Variants in CRACD observed in about 807,000 individuals in gnomAD.
CRACD encodes capping protein inhibiting regulator of actin dynamics.
A neutral mutation model predicts 106.8 loss-of-function variants in CRACD; 56 were observed. That is an observed-to-expected ratio of 0.52 (90% CI 0.42 to 0.66). CRACD has a LOEUF of 0.66. Ranked by LOEUF, CRACD falls within the 30% of genes least tolerant of loss-of-function variation. CRACD has a pLI of 0.00. For synonymous variants in CRACD, 754 were observed against 670.8 expected (o/e 1.12, Z -1.92); for missense variants, 1,730 against 1,623.2 (o/e 1.07, Z -1.13).
At chr4:56,273,531 C>G (rs1490569391) in intron 3 of CRACD, among the ~76,000 whole-genome samples, 2 of 152,064 alleles carry the variant, frequency 1.3e-5, no homozygotes, top group African/African-American at 2.4e-5. Flanking sequence ...ACTTTCTTAC[C>G]TGAGTGCTTG....
At chr4:56,194,561 G>T (rs1232968862) in intron 2 of CRACD, among the ~76,000 whole-genome samples, 2 of 152,194 alleles carry the variant, frequency 1.3e-5, no homozygotes, top group Non-Finnish European at 2.9e-5. Context: ...ACAGCCTTTG[G>T]GGGGTGATTA....
At chr4:56,107,820 G>C (rs990848078) in intron 1 of CRACD, among the ~76,000 whole-genome samples, 4 of 152,172 alleles carry the variant, frequency 2.6e-5, no homozygotes, top group African/African-American at 4.8e-5. Flanking sequence ...ACACATTTGT[G>C]TATCAATCCC....
intron 2 of CRACD, among the ~76,000 whole-genome samples, chr4:56,251,423 G>C (rs1388546289): frequency 6.6e-6 from 1 of 152,178 alleles, no homozygotes; most frequent in Non-Finnish European, 1.5e-5. Context: ...AGACGTGTCT[G>C]GTGTGTGCAG....
At chr4:56,143,962 C>A (rs115273134) in intron 1 of CRACD, among the ~76,000 whole-genome samples, 1 of 151,886 alleles carries the variant, frequency 6.6e-6, no homozygotes, top group South Asian at 2.1e-4. Flanking sequence ...AAATATATGG[C>A]GTGTGGGAAA....
At chr4:56,143,690 G>A (rs1052307506) in intron 1 of CRACD, among the ~76,000 whole-genome samples, 2 of 152,038 alleles carry the variant, frequency 1.3e-5, no homozygotes, top group Non-Finnish European at 2.9e-5. Flanking sequence ...ATTAGACTGT[G>A]GGTTTTGACT....
At chr4:56,125,999 T>C (rs1734651948) in intron 1 of CRACD, among the ~76,000 whole-genome samples, 1 of 152,006 alleles carries the variant, frequency 6.6e-6, no homozygotes, top group African/African-American at 2.4e-5. Flanking sequence ...CTCGAACTCC[T>C]GAACTCAGGT....
rs557657349 is a variant in CRACD at position 56,265,331 on chromosome 4, A to T, written c.-188-6990A>T. Among the ~76,000 whole-genome samples, 3 of 152,264 alleles carry T rather than the reference A, an allele frequency of 2.0e-5. No homozygotes were observed. The East Asian group carries it at 5.8e-4, about 29-fold the overall frequency. ...CAGAAGTTGAAATAAACATTATTTA[A>T]CCAAAGTAGCCCAAAATGCTTGTCA... On this transcript the variant is annotated intron_variant, in intron 2 of 10. Coordinates refer to ENST00000682029, the MANE Select transcript of CRACD (RefSeq NM_001393381.1).
At chr4:56,073,056 T>A (rs1732718379) in intron 1 of CRACD, among the ~76,000 whole-genome samples, 2 of 152,186 alleles carry the variant, frequency 1.3e-5, no homozygotes, top group Non-Finnish European at 1.5e-5. Flanking sequence ...AATAGTGCTG[T>A]AATAAACATA....
chr4:56,195,487 CAT>C lies in CRACD; in HGVS notation c.-189+16060_-189+16061del, dbSNP rs147326596. 3.5e-4 allele frequency among the ~76,000 whole-genome samples: 54 copies of C among 152,120 alleles called. No individual in the cohort carries two copies. In the East Asian group the frequency reaches 0.01, roughly 28 times the overall value. The stretch of plus-strand genomic sequence containing the variant: ...TATTAAGACAATTTAGGTGATTACT[CAT>C]ATCAAGTAGGAAGGTGGGTCTCAGA... On this transcript the variant is annotated intron_variant, in intron 2 of 10. Coordinates refer to ENST00000682029, the MANE Select transcript of CRACD (RefSeq NM_001393381.1).
intron 3 of CRACD, among the ~76,000 whole-genome samples, chr4:56,280,269 T>C (rs982208776): frequency 6.6e-6 from 1 of 151,796 alleles, no homozygotes; most frequent in African/African-American, 2.4e-5. Context: ...GTTGTGCACA[T>C]GTACCCTAAA....
At position 56,287,045 on chromosome 4, in the gene CRACD, G is replaced by A. The variant is rs1409603207; in HGVS notation, c.-16-11169G>A. Among the ~76,000 whole-genome samples, 4 of 152,124 alleles carry A rather than the reference G, an allele frequency of 2.6e-5. No individual in the cohort carries two copies. The South Asian group carries it at 8.3e-4, about 32-fold the overall frequency. ...TTGACAACTTTAAGCACAGAAACAA[G>A]CCCTTCAAAACGCCCTGTATTTTGA... On this transcript the variant is annotated intron_variant, in intron 3 of 10. Coordinates refer to ENST00000682029, the MANE Select transcript of CRACD (RefSeq NM_001393381.1).
chr4:56,189,682 A>G (rs1481601021), intron 2 of CRACD, among the ~76,000 whole-genome samples: 1 of 150,110 alleles, frequency 6.7e-6, no homozygotes, highest in African/African-American at 2.5e-5. Context: ...GTTTACTGAG[A>G]ATGATGGTTT....
chr4:56,302,129 T>C (rs1744403763), intron 4 of CRACD, among the ~76,000 whole-genome samples: 2 of 152,210 alleles, frequency 1.3e-5, no homozygotes, highest in African/African-American at 4.8e-5. Flanking sequence ...CTAAGGGGCA[T>C]GCACACAAGG....
chr4:56,111,422 C>A (rs937548666), intron 1 of CRACD, among the ~76,000 whole-genome samples: 2 of 152,090 alleles, frequency 1.3e-5, no homozygotes, highest in Non-Finnish European at 2.9e-5. Flanking sequence ...CTACTTGATT[C>A]TTTAAACTGT....
chr4:56,278,338 T>C (rs1240329104), intron 3 of CRACD, among the ~76,000 whole-genome samples: 3 of 152,146 alleles, frequency 2.0e-5, no homozygotes, highest in Non-Finnish European at 2.9e-5. Flanking sequence ...GAATTGAGAG[T>C]TCAGAAATAA....
chr4:56,071,775 T>A (rs923478438), intron 1 of CRACD, among the ~76,000 whole-genome samples: 1 of 151,438 alleles, frequency 6.6e-6, no homozygotes, highest in East Asian at 2.0e-4. Flanking sequence ...CCTCCCAAAG[T>A]ACTGGGATTA....
intron 2 of CRACD, among the ~76,000 whole-genome samples, chr4:56,190,957 A>G: frequency 6.6e-6 from 1 of 152,140 alleles, no homozygotes; most frequent in Non-Finnish European, 1.5e-5. Flanking sequence ...CTCCTACCAG[A>G]TCTCTCACTA....
chr4:56,115,063 A>G (rs1465885871), intron 1 of CRACD, among the ~76,000 whole-genome samples: 4 of 152,048 alleles, frequency 2.6e-5, no homozygotes, highest in Non-Finnish European at 5.9e-5. Flanking sequence ...GAATTGACTT[A>G]TAGTAATTCC....
chr4:56,203,430 G>A (rs538641680), intron 2 of CRACD, among the ~76,000 whole-genome samples: 67 of 152,346 alleles, frequency 4.4e-4, no homozygotes, highest in African/African-American at 1.6e-3. Flanking sequence ...GCTGCAGGAT[G>A]ACTTCAGTGT....
Sources: allele counts gnomAD v4.1 joint callset (sites outside exome capture counted in the v4.1 genomes callset), GRCh38; gene constraint gnomAD v4.1.1; transcripts MANE v1.5; gene names NCBI Gene and HGNC (gene_info 2026-07-23, HGNC 2026-07-21).